The following FHIT variants were observed in gnomAD, a reference collection of about 807,000 sequenced individuals.
The protein encoded by FHIT is fragile histidine triad diadenosine triphosphatase.
FHIT carries 19 observed loss-of-function variants against 17.9 expected under a neutral mutation model. The observed-to-expected ratio is 1.06, with a 90% CI of 0.74 to 1.56. The LOEUF is 1.56. FHIT is among the 40% of genes most tolerant of loss of function. The pLI is 0.00. For missense variants in FHIT, 248 were observed against 189.2 expected (o/e 1.31, Z -1.82); for synonymous variants, 81 against 69.7 (o/e 1.16, Z -0.81).
intron 5 of FHIT, among the ~76,000 whole-genome samples, chr3:60,346,437 T>G (rs1383213060): frequency 6.6e-6 from 1 of 152,154 alleles, no homozygotes; most frequent in African/African-American, 2.4e-5. Flanking sequence ...GAGCCAGATA[T>G]GTGCACTGAG....
intron 4 of FHIT, among the ~76,000 whole-genome samples, chr3:60,757,305 A>T (rs1575486399): frequency 6.6e-6 from 1 of 152,244 alleles, no homozygotes; most frequent in African/African-American, 2.4e-5. Context: ...AATTCTGAAG[A>T]TCAGAGAGTG....
chr3:60,651,543 T>G (rs868950703), intron 4 of FHIT, among the ~76,000 whole-genome samples: 1,153 of 84,646 alleles, frequency 0.014, 14 homozygotes, highest in African/African-American at 0.053. Context: ...GATCCAATCT[T>G]TTTTTTTTTC....
At chr3:59,777,394 A>C (rs1201084998) in intron 8 of FHIT, among the ~76,000 whole-genome samples, 1 of 151,926 alleles carries the variant, frequency 6.6e-6, no homozygotes, top group Non-Finnish European at 1.5e-5. Flanking sequence ...AAAACCCCTG[A>C]CTTGTAACTC....
At chr3:60,563,768 T>C (rs1223271579) in intron 4 of FHIT, among the ~76,000 whole-genome samples, 1 of 152,178 alleles carries the variant, frequency 6.6e-6, no homozygotes, top group Non-Finnish European at 1.5e-5. Context: ...GTGAGGAAGC[T>C]ACAGAAAACA....
At chr3:60,654,022 G>A (rs1488725212) in intron 4 of FHIT, among the ~76,000 whole-genome samples, 72 of 152,134 alleles carry the variant, frequency 4.7e-4, no homozygotes, top group Admixed American at 4.7e-3. Flanking sequence ...ATTGCTCTGA[G>A]TTCACATGAG....
chr3:60,898,877 A>G (rs1553762514), intron 3 of FHIT, among the ~76,000 whole-genome samples: 1 of 152,230 alleles, frequency 6.6e-6, no homozygotes, highest in African/African-American at 2.4e-5. Flanking sequence ...AGCTTCTCTC[A>G]TCAGGGCTGT....
intron 2 of FHIT, among the ~76,000 whole-genome samples, chr3:61,068,209 G>A (rs185197230): frequency 6.6e-5 from 10 of 152,270 alleles, no homozygotes; most frequent in Admixed American, 4.6e-4. Context: ...GACACAACTC[G>A]CACCAAGCTC....
chr3:60,622,488 T>C (rs1013260261), intron 4 of FHIT, among the ~76,000 whole-genome samples: 3 of 152,192 alleles, frequency 2.0e-5, no homozygotes, highest in African/African-American at 4.8e-5. Flanking sequence ...GTAAACCCAG[T>C]GCTGATGTGA....
chr3:60,322,600 TATG>T (rs1709484103), intron 5 of FHIT, among the ~76,000 whole-genome samples: 1 of 152,184 alleles, frequency 6.6e-6, no homozygotes. Flanking sequence ...CCACAACTGA[TATG>T]ATGTGTTATT....
intron 5 of FHIT, among the ~76,000 whole-genome samples, chr3:60,235,234 G>GT (rs11441829): frequency 0.25 from 36,303 of 142,828 alleles, 4,913 homozygotes; most frequent in Middle Eastern, 0.37. Flanking sequence ...TTTGTTTGTT[G>GT]TTTTTTTTTT....
rs546514822 is a variant in FHIT at position 59,883,214 on chromosome 3, A to C, written c.348+39132T>G. Among the ~76,000 whole-genome samples the C allele has an allele frequency of 6.6e-5, 10 of 152,302 alleles. No homozygotes were observed. The East Asian group carries it at 1.3e-3, about 21-fold the overall frequency. ...AAAACAAAGGGAAGAAAATATTAAA[A>C]ACTCTGTAATTCCTCATAATGTCAC... On this transcript the variant is annotated intron_variant, in intron 8 of 9. Coordinates refer to ENST00000492590, the MANE Select transcript of FHIT (RefSeq NM_002012.4).
intron 2 of FHIT, among the ~76,000 whole-genome samples, chr3:61,121,873 C>T (rs551008075): frequency 1.1e-4 from 17 of 151,910 alleles, no homozygotes; most frequent in African/African-American, 3.9e-4. Context: ...TCAAAATAAA[C>T]GTATGGAGGA....
chr3:61,159,815 T>C (rs942449463), intron 2 of FHIT, among the ~76,000 whole-genome samples: 2 of 152,216 alleles, frequency 1.3e-5, no homozygotes, highest in African/African-American at 4.8e-5. Context: ...GCATTTGTTT[T>C]CATCTATAGA....
chr3:60,265,448 A>G (rs894699392), intron 5 of FHIT, among the ~76,000 whole-genome samples: 1 of 152,068 alleles, frequency 6.6e-6, no homozygotes, highest in Non-Finnish European at 1.5e-5. Flanking sequence ...CTAAGAGTTT[A>G]AAGTATAAAA....
At chr3:59,800,641 C>T (rs1699954869) in intron 8 of FHIT, among the ~76,000 whole-genome samples, 1 of 152,184 alleles carries the variant, frequency 6.6e-6, no homozygotes, top group East Asian at 1.9e-4. Context: ...CATAGGCAGC[C>T]AGCATGTGCA....
intron 1 of FHIT, among the ~76,000 whole-genome samples, chr3:61,207,485 C>T (rs899642844): frequency 6.6e-6 from 1 of 152,134 alleles, no homozygotes; most frequent in Non-Finnish European, 1.5e-5. Context: ...TACTTATTGC[C>T]TCAATTTCAG....
intron 3 of FHIT, among the ~76,000 whole-genome samples, chr3:61,041,683 C>CAA (rs368794932): frequency 4.5e-5 from 6 of 133,260 alleles, no homozygotes; most frequent in Non-Finnish European, 6.6e-5. Context: ...AAAAATAAAG[C>CAA]AAAAAAAAAA....
rs373381960 is a variant in FHIT, at chr3:61,063,640, T to C, written c.-163-21541A>G. 2.6e-5 allele frequency among the ~76,000 whole-genome samples: 4 copies of C among 152,046 alleles called. No homozygotes were observed. The East Asian group carries it at 7.8e-4, about 30-fold the overall frequency. On this transcript the variant is annotated intron_variant, in intron 2 of 9. Transcript: ENST00000492590. ...ACCAAGGTTCACAAACACAAATGAATATGGGGGCCAGGACGTTAACATACA... is the reference window on the plus strand; with the variant it reads ...ACCAAGGTTCACAAACACAAATGAACATGGGGGCCAGGACGTTAACATACA...
At chr3:60,861,220 G>GATACATATGATATATC (rs1703838276) in intron 3 of FHIT, among the ~76,000 whole-genome samples, 9 of 38,388 alleles carry the variant, frequency 2.3e-4, no homozygotes, top group African/African-American at 8.9e-4. Flanking sequence ...TGATATATAT[G>GATACATATGATATATC]ATATATATGA....
Sources: allele counts gnomAD v4.1 joint callset (sites outside exome capture counted in the v4.1 genomes callset), GRCh38; gene constraint gnomAD v4.1.1; transcripts MANE v1.5; gene names NCBI Gene and HGNC (gene_info 2026-07-23, HGNC 2026-07-21).